The following CNTN6 variants were observed in gnomAD, a reference collection of about 807,000 sequenced individuals.
CNTN6 encodes contactin-6.
CNTN6 carries 137 observed loss-of-function variants against 122.8 expected under a neutral mutation model. The ratio of observed to expected loss-of-function variants is 1.12; its 90% confidence interval spans 0.97 to 1.29. CNTN6 has a LOEUF of 1.29. CNTN6 is among the 50% of genes most tolerant of loss of function. The probability of loss-of-function intolerance (pLI) is 0.00; values close to 1 mark genes in which losing one functional copy is unlikely to be tolerated. For missense variants in CNTN6, 1,634 were observed against 1,223.4 expected (o/e 1.34, Z -5.01); for synonymous variants, 570 against 426.0 (o/e 1.34, Z -4.16).
intron 1 of CNTN6, among the ~76,000 whole-genome samples, chr3:1,108,768 TTAAC>T (rs1376856972): frequency 2.6e-5 from 4 of 152,162 alleles, no homozygotes; most frequent in African/African-American, 7.2e-5. Flanking sequence ...TATATAAAAA[TTAAC>T]TAACTTTTTA....
intron 5 of CNTN6, among the ~76,000 whole-genome samples, chr3:1,288,449 T>C (rs1384724159): frequency 2.0e-5 from 3 of 152,198 alleles, no homozygotes; most frequent in Non-Finnish European, 4.4e-5. Context: ...TGAGCTAGCA[T>C]AACCATGATT....
In CNTN6 at chr3:1,372,945, C is replaced by G; in HGVS notation, c.1776C>G (p.Ile592Met). 1 of 1,558,900 alleles carries G rather than the reference C, an allele frequency of 6.4e-7. No individual in the cohort carries two copies. The highest frequency in any genetic ancestry group is 8.8e-7 in the Non-Finnish European group (1 of 1,134,214). Reference protein sequence around the residue: ...TLESLSAVADIIVRGPPGPPE... With the variant: ...TLESLSAVADMIVRGPPGPPE... ...AAAGTTTATCTGCAGTAGCCGATAT[C>G]ATTGTTAGAGGTAAGCATAAATGGT... is the stretch of plus-strand genomic sequence containing the variant. The change falls in exon 14 of 23, where the codon ATC (isoleucine) becomes ATG (methionine). Residue 592 changes from isoleucine (I) to methionine (M), a missense_variant. By Grantham distance (10) the Ile-to-Met change is conservative (BLOSUM62 1). Transcript: ENST00000446702.
intron 1 of CNTN6, among the ~76,000 whole-genome samples, chr3:1,095,912 C>T (rs6769116): frequency 0.2 from 30,515 of 152,090 alleles, 6,843 homozygotes; most frequent in African/African-American, 0.56. Flanking sequence ...CAGGCTTTTA[C>T]TACCCAATTC....
At chr3:1,403,112 T>A (rs886420829) in intron 22 of CNTN6, among the ~76,000 whole-genome samples, 2 of 152,084 alleles carry the variant, frequency 1.3e-5, no homozygotes, top group Non-Finnish European at 2.9e-5. Flanking sequence ...GGATTTTCCT[T>A]TTGCATTTTT....
At chr3:1,366,408 C>T (rs1380639050) in intron 12 of CNTN6, among the ~76,000 whole-genome samples, 1 of 151,976 alleles carries the variant, frequency 6.6e-6, no homozygotes, top group Admixed American at 6.6e-5. Flanking sequence ...CGATGAGCCT[C>T]GAGTAACTGC....
chr3:1,371,796 G>C (rs1709052408), intron 12 of CNTN6, among the ~76,000 whole-genome samples: 2 of 152,034 alleles, frequency 1.3e-5, no homozygotes, highest in Non-Finnish European at 2.9e-5. Context: ...AAGAAAATTA[G>C]AGCTACGTCA....
At chr3:1,346,564 C>A (rs545790953) in intron 11 of CNTN6, among the ~76,000 whole-genome samples, 1 of 152,104 alleles carries the variant, frequency 6.6e-6, no homozygotes, top group Non-Finnish European at 1.5e-5. Context: ...ACACCAGTTT[C>A]TTTCTGCTTT....
chr3:1,158,201 C>T (rs933775254), intron 2 of CNTN6, among the ~76,000 whole-genome samples: 1 of 152,098 alleles, frequency 6.6e-6, no homozygotes, highest in Non-Finnish European at 1.5e-5. Flanking sequence ...TTTGTTATTG[C>T]CAGTCTTTTG....
At chr3:1,323,119 G>A (rs1439799452) in intron 8 of CNTN6, among the ~76,000 whole-genome samples, 4 of 151,726 alleles carry the variant, frequency 2.6e-5, no homozygotes, top group African/African-American at 9.7e-5. Context: ...TCTGTATACT[G>A]ATAAAGCAAA....
rs138004851 is a variant in CNTN6 at position 1,365,043 on chromosome 3, C to G, written c.1493-7256C>G. 3.4e-4 allele frequency among the ~76,000 whole-genome samples: 51 copies of G among 152,068 alleles called. No homozygotes were observed. In the East Asian group the frequency reaches 9.1e-3, roughly 27 times the overall value. ...GAAAGTGAATGAGAAATGTTCCTCC[C>G]TATTCTGTATGTAAATATTCACTCT... On this transcript the variant is annotated intron_variant, in intron 12 of 22. Transcript: ENST00000446702.
intron 12 of CNTN6, among the ~76,000 whole-genome samples, chr3:1,359,368 G>C (rs1036662726): frequency 6.6e-6 from 1 of 152,036 alleles, no homozygotes; most frequent in Non-Finnish European, 1.5e-5. Flanking sequence ...GGGAAATAGG[G>C]TAACATTGCA....
chr3:1,151,410 A>G (rs2092839325), intron 2 of CNTN6, among the ~76,000 whole-genome samples: 1 of 152,160 alleles, frequency 6.6e-6, no homozygotes, highest in Non-Finnish European at 1.5e-5. Flanking sequence ...TATTAAAGTT[A>G]CAGTCATAAG....
intron 5 of CNTN6, among the ~76,000 whole-genome samples, chr3:1,295,030 A>G (rs1288324425): frequency 6.6e-6 from 1 of 152,164 alleles, no homozygotes; most frequent in African/African-American, 2.4e-5. Flanking sequence ...AGGCAGGAGA[A>G]TGACTTGAGC....
At chr3:1,400,469 C>T (rs1431238718) in intron 20 of CNTN6, among the ~76,000 whole-genome samples, 2 of 146,972 alleles carry the variant, frequency 1.4e-5, no homozygotes, top group African/African-American at 5.0e-5. Flanking sequence ...TCTTATCTCC[C>T]ACCATCTCTC....
chr3:1,335,245 A>C (rs1702885366), intron 11 of CNTN6, among the ~76,000 whole-genome samples: 1 of 152,160 alleles, frequency 6.6e-6, no homozygotes, highest in South Asian at 2.1e-4. Context: ...AGCTGTACAC[A>C]CACTGCTACA....
intron 1 of CNTN6, among the ~76,000 whole-genome samples, chr3:1,123,819 G>A (rs1211216693): frequency 6.6e-6 from 1 of 151,956 alleles, no homozygotes; most frequent in Non-Finnish European, 1.5e-5. Flanking sequence ...TTAGTTGCAG[G>A]TTTCCCTCCA....
At chr3:1,098,659 C>T (rs991109821) in intron 1 of CNTN6, among the ~76,000 whole-genome samples, 1 of 150,698 alleles carries the variant, frequency 6.6e-6, no homozygotes, top group Non-Finnish European at 1.5e-5. Flanking sequence ...TGTCTGCTGA[C>T]TCCATTTTTT....
chr3:1,388,484 G>C (rs1027853409), intron 20 of CNTN6, among the ~76,000 whole-genome samples: 2 of 151,666 alleles, frequency 1.3e-5, no homozygotes, highest in Non-Finnish European at 1.5e-5. Context: ...AGAAAAACTG[G>C]AAACTCTAAA....
rs149585538 is a variant in CNTN6, at chr3:1,097,724, T to C, written c.-83+4604T>C. On this transcript the variant is annotated intron_variant, in intron 1 of 22. Transcript: ENST00000446702. ...AGTATTTTCAAGAGAATTCAGCAGG[T>C]AAATATGTAAAAAATCTTGGAAGAA... is the stretch of plus-strand genomic sequence containing the variant. 7.8e-4 allele frequency among the ~76,000 whole-genome samples: 119 copies of C among 152,262 alleles called. 1 individual carries two copies. The highest frequency in any genetic ancestry group is 2.6e-3 in the African/African-American group (107 of 41,544).
Sources: allele counts gnomAD v4.1 joint callset (sites outside exome capture counted in the v4.1 genomes callset), GRCh38; gene constraint gnomAD v4.1.1; transcripts MANE v1.5; gene names NCBI Gene and HGNC (gene_info 2026-07-23, HGNC 2026-07-21).